The following VAV2 variants were observed in gnomAD, a reference collection of about 807,000 sequenced individuals.
The protein encoded by VAV2 is vav guanine nucleotide exchange factor 2.
A neutral mutation model predicts 132.5 loss-of-function variants in VAV2; 67 were observed. The ratio of observed to expected loss-of-function variants is 0.51; its 90% CI spans 0.42 to 0.62. The LOEUF is 0.62. Ranked by LOEUF, VAV2 falls within the 20% of genes least tolerant of loss-of-function variation. The pLI is 0.00. For synonymous variants in VAV2, 492 were observed against 443.5 expected (o/e 1.11, Z -1.37); for missense variants, 938 against 1,153.6 (o/e 0.81, Z 2.71).
chr9:133,946,398 A>T (rs1352764005), intron 1 of VAV2, among the ~76,000 whole-genome samples: 1 of 152,240 alleles, frequency 6.6e-6, no homozygotes, highest in African/African-American at 2.4e-5. Context: ...GCAACAGGGC[A>T]CCACAGCTTC....
In VAV2 at chr9:133,834,169, C is replaced by T; in HGVS notation, c.449+103G>A. The stretch of plus-strand genomic sequence containing the variant: ...GTGGGAAGGGCCAGGGCCAGCTCTG[C>T]CTGCACTGTGGCCGCCATGTTTCCT... On this transcript the variant is annotated intron_variant, in intron 4 of 29. Coordinates refer to ENST00000371850, the MANE Select transcript of VAV2 (RefSeq NM_001134398.2). This position sits in a 1 kb window ranked among gnomAD's most constrained non-coding sequence, Gnocchi z 5.9. 1 of 1,351,084 alleles carries T rather than the reference C, an allele frequency of 7.4e-7. No individual in the cohort carries two copies. The highest frequency in any genetic ancestry group is 1.0e-6 in the Non-Finnish European group (1 of 978,358). 83.7% of individuals were successfully genotyped at this position (1,351,084 alleles called of 1,614,324 possible).
chr9:133,864,170 C>T (rs914138845), intron 2 of VAV2, among the ~76,000 whole-genome samples: 3 of 152,246 alleles, frequency 2.0e-5, no homozygotes, highest in Non-Finnish European at 4.4e-5. Context: ...AATGAAGACG[C>T]ACAGCTGCAT....
At chr9:133,818,027 GGAC>G (rs1564375463) in intron 4 of VAV2, among the ~76,000 whole-genome samples, 1 of 152,054 alleles carries the variant, frequency 6.6e-6, no homozygotes, top group African/African-American at 2.4e-5. Flanking sequence ...TCACCAGTGC[GGAC>G]AGGTGTCATC....
intron 4 of VAV2, among the ~76,000 whole-genome samples, chr9:133,825,459 C>T (rs1465919702): frequency 2.0e-5 from 3 of 152,078 alleles, no homozygotes; most frequent in African/African-American, 4.8e-5. Flanking sequence ...CTCGTGGGGC[C>T]GTTTTCGTGG....
intron 4 of VAV2, among the ~76,000 whole-genome samples, chr9:133,815,157 T>C (rs866068559): frequency 2.6e-5 from 4 of 152,028 alleles, no homozygotes; most frequent in Admixed American, 6.6e-5. Flanking sequence ...CGGGTGGACC[T>C]AGAAAAGGGG....
intron 1 of VAV2, among the ~76,000 whole-genome samples, chr9:133,960,547 G>A (rs1427702783): frequency 6.6e-6 from 1 of 152,214 alleles, no homozygotes; most frequent in Non-Finnish European, 1.5e-5. Flanking sequence ...CTTAATAGCG[G>A]CCGCCAATTA....
At chr9:133,861,496 TG>T in intron 2 of VAV2, 64 bp from the exon 3 acceptor site, 2 of 1,578,408 alleles carry the variant, frequency 1.3e-6, no homozygotes, top group Non-Finnish European at 1.7e-6. Context: ...ATCACAGAAC[TG>T]GGGACGCTGC....
At chr9:133,939,475 C>T (rs7036180) in intron 1 of VAV2, among the ~76,000 whole-genome samples, 3,892 of 152,254 alleles carry the variant, frequency 0.026, 148 homozygotes, top group African/African-American at 0.076. Context: ...GTAGCCACCA[C>T]CGCCCCCAGC....
chr9:133,944,825 C>T (rs528604322), intron 1 of VAV2, among the ~76,000 whole-genome samples: 112 of 152,232 alleles, frequency 7.4e-4, no homozygotes, highest in Middle Eastern at 3.2e-3. Flanking sequence ...AGCGTGGGGC[C>T]GGGCTGACCT....
chr9:133,911,261 C>T (rs548851673), intron 2 of VAV2, among the ~76,000 whole-genome samples: 1 of 152,350 alleles, frequency 6.6e-6, no homozygotes, highest in African/African-American at 2.4e-5. Flanking sequence ...AGCCCTTCGC[C>T]CTGGAGCGTG....
At chr9:133,889,410 TG>T (rs1029624997) in intron 2 of VAV2, among the ~76,000 whole-genome samples, 5 of 151,508 alleles carry the variant, frequency 3.3e-5, no homozygotes, top group Non-Finnish European at 5.9e-5. Context: ...GTCAAAGGGG[TG>T]GGGGAAGGCG....
chr9:133,833,205 G>A lies in VAV2; in HGVS notation c.449+1067C>T, dbSNP rs533059659. 1.1e-4 allele frequency among the ~76,000 whole-genome samples: 17 copies of A among 152,186 alleles called. No individual in the cohort carries two copies. Among genetic ancestry groups the A allele is most frequent in the Non-Finnish European group, 2.2e-4 (15 of 68,026 alleles). On this transcript the variant is annotated intron_variant, in intron 4 of 29. Transcript: ENST00000371850. This position sits in a 1 kb window ranked among gnomAD's most constrained non-coding sequence, Gnocchi z 5.6. ...CTGATATGGGGATGACTTGAATTGT[G>A]TATATACACAGGGATCCTGCGGAAA...
rs192854825 is a variant in VAV2 at position 133,840,050 on chromosome 9, G to A, written c.381-5710C>T. Among the ~76,000 whole-genome samples the A allele has an allele frequency of 1.6e-4, 25 of 151,978 alleles. No individual in the cohort carries two copies. The East Asian group carries it at 3.9e-3, about 24-fold the overall frequency. On this transcript the variant is annotated intron_variant, in intron 3 of 29. Coordinates refer to ENST00000371850, the MANE Select transcript of VAV2 (RefSeq NM_001134398.2). This position sits in a 1 kb window ranked among gnomAD's most constrained non-coding sequence, Gnocchi z 4.5. ...TTTCCTTCCCGCACTTACCCCTAGC[G>A]TCCCCTACCCACACCTTGCCCTGTG...
chr9:133,970,841 T>C (rs1468570894), intron 1 of VAV2, among the ~76,000 whole-genome samples: 2 of 152,202 alleles, frequency 1.3e-5, no homozygotes, highest in Non-Finnish European at 2.9e-5. Flanking sequence ...ACGGCTTCTG[T>C]ACTCTTGCTT....
intron 2 of VAV2, among the ~76,000 whole-genome samples, chr9:133,927,380 T>C (rs948451715): frequency 6.6e-6 from 1 of 152,188 alleles, no homozygotes; most frequent in Non-Finnish European, 1.5e-5. Context: ...ACTGATGTAG[T>C]AGGCACAGGG....
chr9:133,878,337 G>A (rs558055234), intron 2 of VAV2, among the ~76,000 whole-genome samples: 1 of 152,286 alleles, frequency 6.6e-6, no homozygotes, highest in African/African-American at 2.4e-5. Flanking sequence ...AAGCACGATC[G>A]AGGCTGTGTG....
At chr9:133,831,992 G>A (rs1267761129) in intron 4 of VAV2, among the ~76,000 whole-genome samples, 1 of 152,188 alleles carries the variant, frequency 6.6e-6, no homozygotes, top group Non-Finnish European at 1.5e-5. Context: ...TTGAGGGAAT[G>A]AAGCCCAGCA....
chr9:133,856,111 A>G (rs1439092439), intron 3 of VAV2, among the ~76,000 whole-genome samples: 1 of 152,208 alleles, frequency 6.6e-6, no homozygotes, highest in Non-Finnish European at 1.5e-5. Context: ...GCAAACAGAA[A>G]GCAGGCTGGG....
intron 12 of VAV2, among the ~76,000 whole-genome samples, chr9:133,793,228 C>A (rs534095707): frequency 6.6e-6 from 1 of 152,308 alleles, no homozygotes; most frequent in Non-Finnish European, 1.5e-5. Context: ...TGGCCCACAG[C>A]GGAACCCAAG....
Sources: allele counts gnomAD v4.1 joint callset (sites outside exome capture counted in the v4.1 genomes callset), GRCh38; gene constraint gnomAD v4.1.1; non-coding constraint Gnocchi (gnomAD v3.1); transcripts MANE v1.5; gene names NCBI Gene and HGNC (gene_info 2026-07-23, HGNC 2026-07-21).